Variants in CLHC1 observed in about 807,000 individuals in gnomAD.
CLHC1 encodes clathrin heavy chain linker domain-containing protein 1.
Under a neutral mutation model 69.5 loss-of-function variants are expected in CLHC1, and 72 were observed. The observed-to-expected ratio is 1.04, with a 90% confidence interval of 0.86 to 1.26. CLHC1 has a LOEUF of 1.26. Ranked by LOEUF, CLHC1 falls within the 50% of genes most tolerant of loss-of-function variation. The pLI is 0.00. For missense variants in CLHC1, 790 were observed against 679.3 expected (o/e 1.16, Z -1.81); for synonymous variants, 223 against 224.3 (o/e 0.99, Z 0.05).
rs1012067268 is a variant in CLHC1, at chr2:55,206,467, C to A, written c.900-91G>T. The A allele has an allele frequency of 1.3e-5, 9 of 713,916 alleles. No individual in the cohort carries two copies. The African/African-American group carries it at 1.3e-4, about 10-fold the overall frequency. 44.2% of individuals were successfully genotyped at this position (713,916 alleles called of 1,614,324 possible). On this transcript the variant is annotated intron_variant, in intron 8 of 12. Coordinates refer to ENST00000401408, the MANE Select transcript of CLHC1 (RefSeq NM_152385.4). ...AATGTTTAATACAGACTAAATATAG[C>A]GGCATAACGATATGGAAAAACAAAA...
At chr2:55,177,459 T>A in intron 12 of CLHC1, 143 bp downstream of exon 12, 1 of 477,466 alleles carries the variant, frequency 2.1e-6, no homozygotes, top group Non-Finnish European at 3.7e-6. Context: ...TACATGGCAA[T>A]CTTTACATTT....
intron 4 of CLHC1, chr2:55,215,959 T>G (rs1410343532): frequency 1.3e-5 from 2 of 152,068 alleles, no homozygotes; most frequent in African/African-American, 4.8e-5. Context: ...AAACTTTGCA[T>G]AGTTTCCAAG....
chr2:55,191,317 C>A lies in CLHC1; in HGVS notation c.1007-9573G>T, dbSNP rs1037005867. Among the ~76,000 whole-genome samples, 8 of 152,250 alleles carry A rather than the reference C, an allele frequency of 5.3e-5. No individual in the cohort carries two copies. In the South Asian group the frequency reaches 1.7e-3, roughly 32 times the overall value. On this transcript the variant is annotated intron_variant, in intron 9 of 12. Transcript: ENST00000401408. ...AGAGCAGTGATCTTGGCTCACTGCA[C>A]CTCCACCTCCTGGATTCTAGTGATT... is the stretch of plus-strand genomic sequence containing the variant.
chr2:55,193,604 A>T (rs541398943), intron 9 of CLHC1, among the ~76,000 whole-genome samples: 1 of 152,192 alleles, frequency 6.6e-6, no homozygotes. Flanking sequence ...CTTCACACTT[A>T]TTAGAAAGTC....
chr2:55,192,671 T>C (rs563178928), intron 9 of CLHC1, among the ~76,000 whole-genome samples: 3 of 152,144 alleles, frequency 2.0e-5, no homozygotes, highest in African/African-American at 7.2e-5. Flanking sequence ...AGAAATAAAC[T>C]CTAAATATTT....
chr2:55,193,309 A>C (rs1376543921), intron 9 of CLHC1, among the ~76,000 whole-genome samples: 1 of 152,208 alleles, frequency 6.6e-6, no homozygotes, highest in Non-Finnish European at 1.5e-5. Flanking sequence ...TAACTTCAAA[A>C]GAAACCAGTG....
chr2:55,188,193 G>C (rs1373956480), intron 9 of CLHC1, among the ~76,000 whole-genome samples: 1 of 152,112 alleles, frequency 6.6e-6, no homozygotes, highest in Non-Finnish European at 1.5e-5. Flanking sequence ...GCTCACAGCT[G>C]TAGTCCCAAT....
chr2:55,193,325 C>CT lies in CLHC1; in HGVS notation c.1007-11582dup, dbSNP rs907985571. 8.4e-4 allele frequency among the ~76,000 whole-genome samples: 125 copies of CT among 148,752 alleles called. 1 individual carries two copies. Among genetic ancestry groups the CT allele is most frequent in the African/African-American group, 2.5e-3 (100 of 40,612 alleles). ...AACTTCAAAAGAAACCAGTGAAACACTTTTTTTTTTAAATTAAAAAGAGTG... is the reference window on the plus strand; with the variant it reads ...AACTTCAAAAGAAACCAGTGAAACACTTTTTTTTTTTAAATTAAAAAGAGTG... On this transcript the variant is annotated intron_variant, in intron 9 of 12. Coordinates refer to ENST00000401408, the MANE Select transcript of CLHC1 (RefSeq NM_152385.4).
At chr2:55,224,292 T>A in intron 2 of CLHC1, 1 of 444,022 alleles carries the variant, frequency 2.3e-6, no homozygotes, top group Non-Finnish European at 4.6e-6. Flanking sequence ...TGGCGTCCCA[T>A]GCAGAGTGCC....
In CLHC1 at chr2:55,181,943, G is replaced by A. The variant is rs144360903; in HGVS notation, c.1007-199C>T. ...TATCACGTGCCATGTGAAGATGGAG[G>A]CAGAGATTGGAATGATCTGCTACAA... On this transcript the variant is annotated intron_variant, in intron 9 of 12. Transcript: ENST00000401408. Among the ~76,000 whole-genome samples the A allele has an allele frequency of 2.6e-3, 388 of 152,082 alleles. 2 individuals are homozygous for A. The highest frequency in any genetic ancestry group is 4.5e-3 in the Non-Finnish European group (308 of 68,012).
intron 9 of CLHC1, among the ~76,000 whole-genome samples, chr2:55,205,026 G>C (rs1672305903): frequency 6.6e-6 from 1 of 152,052 alleles, no homozygotes; most frequent in Non-Finnish European, 1.5e-5. Context: ...CCAAAGCAGG[G>C]AAATCTACAA....
At chr2:55,202,329 G>A (rs1383394129) in intron 9 of CLHC1, among the ~76,000 whole-genome samples, 2 of 151,626 alleles carry the variant, frequency 1.3e-5, no homozygotes, top group East Asian at 3.9e-4. Context: ...ACCGAGGTGT[G>A]CGGATCACCT....
intron 9 of CLHC1, among the ~76,000 whole-genome samples, chr2:55,199,724 C>CA (rs1171862253): frequency 1.3e-5 from 2 of 151,822 alleles, no homozygotes; most frequent in Non-Finnish European, 2.9e-5. Context: ...AACCTCAAAT[C>CA]AAAAAGCATA....
chr2:55,180,171 A>G (rs13427699), intron 11 of CLHC1, among the ~76,000 whole-genome samples: 37,965 of 151,806 alleles, frequency 0.25, 5,218 homozygotes, highest in African/African-American at 0.35. Flanking sequence ...ATATATATAT[A>G]TATATCTCAC....
intron 9 of CLHC1, among the ~76,000 whole-genome samples, chr2:55,194,324 A>T (rs1373506349): frequency 6.6e-6 from 1 of 151,490 alleles, no homozygotes; most frequent in Admixed American, 6.6e-5. Context: ...CAATAAATGT[A>T]AAAAAAAAGT....
intron 2 of CLHC1, among the ~76,000 whole-genome samples, chr2:55,226,707 C>G (rs1674742983): frequency 6.6e-6 from 1 of 152,256 alleles, no homozygotes; most frequent in Non-Finnish European, 1.5e-5. Flanking sequence ...TCTCAGCTCA[C>G]TGCAACCTTC....
intron 9 of CLHC1, among the ~76,000 whole-genome samples, chr2:55,185,858 T>C (rs532255458): frequency 6.6e-6 from 1 of 152,366 alleles, no homozygotes; most frequent in South Asian, 2.1e-4. Flanking sequence ...TGAACATTAT[T>C]TTATTAGAAG....
At chr2:55,177,475 C>T (rs945068207) in intron 12 of CLHC1, 127 bp downstream of exon 12, 1 of 529,934 alleles carries the variant, frequency 1.9e-6, no homozygotes, top group Admixed American at 3.5e-5. Flanking sequence ...CATTTATAAA[C>T]TCCTAAAGTT....
intron 9 of CLHC1, among the ~76,000 whole-genome samples, chr2:55,184,014 C>T (rs1305871355): frequency 1.3e-5 from 2 of 152,024 alleles, no homozygotes; most frequent in African/African-American, 4.8e-5. Flanking sequence ...CTCTTGACCT[C>T]GTGATCCGCC....
Sources: allele counts gnomAD v4.1 joint callset (sites outside exome capture counted in the v4.1 genomes callset), GRCh38; gene constraint gnomAD v4.1.1; transcripts MANE v1.5; gene names NCBI Gene and HGNC (gene_info 2026-07-23, HGNC 2026-07-21).